Variants in FAT4 observed in about 807,000 individuals in gnomAD.
FAT4 encodes protocadherin Fat 4.
FAT4 carries 84 observed loss-of-function variants against 303.9 expected under a neutral mutation model. The ratio of observed to expected loss-of-function variants is 0.28; its 90% CI spans 0.23 to 0.33. The LOEUF is 0.33. FAT4 is among the 10% of genes least tolerant of loss of function. FAT4 has a pLI of 1.00. For missense variants in FAT4, 6,005 were observed against 6,146.8 expected (o/e 0.98, Z 0.77); for synonymous variants, 2,307 against 2,298.8 (o/e 1.00, Z -0.10).
rs1727353339 is a variant in FAT4, at chr4:125,484,855, A to G, written c.12823-2490A>G. 2.0e-5 allele frequency among the ~76,000 whole-genome samples: 3 copies of G among 151,628 alleles called. No homozygotes were observed. In the South Asian group the frequency reaches 6.3e-4, roughly 32 times the overall value. ...GGCTGCATTGAAGATTTTTGGGGGG[A>G]TGGGGGACAGCCTGGGCAACAGGGT... On this transcript the variant is annotated intron_variant, in intron 16 of 17. Coordinates refer to ENST00000394329, the MANE Select transcript of FAT4 (RefSeq NM_001291303.3).
intron 2 of FAT4, among the ~76,000 whole-genome samples, chr4:125,381,030 A>G (rs551128493): frequency 2.6e-5 from 4 of 152,304 alleles, no homozygotes; most frequent in African/African-American, 9.6e-5. Context: ...TCCAATTTCA[A>G]TAAAACTAAC....
rs757530579 is a variant in FAT4 at position 125,415,640 on chromosome 4, A to C, written c.6677A>C (p.His2226Pro). The change falls in exon 6 of 18, where the codon CAT (histidine) becomes CCT (proline). Residue 2226 changes from histidine (H) to proline (P), a missense_variant. By Grantham distance (77) the His-to-Pro change is moderately conservative. Transcript: ENST00000394329. Reference sequence around the variant, plus strand: ...GATAGAGAAAAGACCCCTACCTACCATTTAACTGTTCAGGCAACAGATCGA... The same window carrying C: ...GATAGAGAAAAGACCCCTACCTACCCTTTAACTGTTCAGGCAACAGATCGA... ...PLDREKTPTY[H>P]LTVQATDRGS... 1 of 1,614,010 alleles carries C rather than the reference A, an allele frequency of 6.2e-7. No individual in the cohort carries two copies. The highest frequency in any genetic ancestry group is 1.1e-5 in the South Asian group (1 of 91,076).
At position 125,468,663 on chromosome 4, in the gene FAT4, C is replaced by T; in HGVS notation, c.12057C>T (p.Asn4019=). ...CCTTATTGCTTTACAACTATGACAACCAGACAGGCGACCGGGCTGAGTTTT... is the reference window on the plus strand; with the variant it reads ...CCTTATTGCTTTACAACTATGACAATCAGACAGGCGACCGGGCTGAGTTTT... ...SHALLLYNYD[N]QTGDRAEFLA... Residue 4019 remains asparagine (N), a synonymous_variant, in exon 12 of 18, where the codon AAC becomes AAT. Coordinates refer to ENST00000394329, the MANE Select transcript of FAT4 (RefSeq NM_001291303.3). 1 of 1,614,066 alleles carries T rather than the reference C, an allele frequency of 6.2e-7. No individual in the cohort carries two copies. Among genetic ancestry groups the T allele is most frequent in the Non-Finnish European group, 8.5e-7 (1 of 1,180,010 alleles).
chr4:125,391,268 C>T (rs1414286841), intron 2 of FAT4, among the ~76,000 whole-genome samples: 1 of 152,050 alleles, frequency 6.6e-6, no homozygotes, highest in Non-Finnish European at 1.5e-5. Flanking sequence ...GGATCCAACC[C>T]AAATGCCCAT....
intron 7 of FAT4, among the ~76,000 whole-genome samples, chr4:125,419,287 A>T (rs1023349765): frequency 6.6e-6 from 1 of 152,142 alleles, no homozygotes; most frequent in Non-Finnish European, 1.5e-5. Flanking sequence ...CCTTAAATGA[A>T]TTGCTTCATA....
intron 12 of FAT4, among the ~76,000 whole-genome samples, chr4:125,471,723 G>A (rs1269840461): frequency 6.6e-6 from 1 of 151,516 alleles, no homozygotes; most frequent in African/African-American, 2.4e-5. Flanking sequence ...CTGTCTTAAA[G>A]TATTTTTGCA....
At chr4:125,376,560 G>A (rs1202700418) in intron 2 of FAT4, among the ~76,000 whole-genome samples, 1 of 152,118 alleles carries the variant, frequency 6.6e-6, no homozygotes, top group Admixed American at 6.5e-5. Context: ...TAACAAACCT[G>A]CACGTTGTGC....
chr4:125,479,668 G>C, intron 14 of FAT4, 73 bp from the exon 15 acceptor site: 4 of 1,368,036 alleles, frequency 2.9e-6, no homozygotes, highest in Non-Finnish European at 3.9e-6. Context: ...GCTAATAAAA[G>C]TGTATATTGA....
chr4:125,477,035 A>T, intron 13 of FAT4, 120 bp from the exon 14 acceptor site: 1 of 714,766 alleles, frequency 1.4e-6, no homozygotes, highest in Non-Finnish European at 2.0e-6. Flanking sequence ...TTTCCATTGA[A>T]ATTTATCACA....
intron 16 of FAT4, among the ~76,000 whole-genome samples, chr4:125,485,943 TA>T (rs1216541691): frequency 6.6e-6 from 1 of 152,186 alleles, no homozygotes; most frequent in Non-Finnish European, 1.5e-5. Context: ...CATGATGTTT[TA>T]AAAGTGAAGA....
chr4:125,396,549 C>A (rs1734178453), intron 2 of FAT4, among the ~76,000 whole-genome samples: 1 of 152,058 alleles, frequency 6.6e-6, no homozygotes, highest in Admixed American at 6.6e-5. Context: ...TACATGCACA[C>A]ATTTACACAC....
At chr4:125,373,593 A>C (rs1301764211) in intron 2 of FAT4, among the ~76,000 whole-genome samples, 1 of 152,202 alleles carries the variant, frequency 6.6e-6, no homozygotes, top group Non-Finnish European at 1.5e-5. Context: ...AGTAATGCTA[A>C]TACTAATATC....
intron 2 of FAT4, among the ~76,000 whole-genome samples, chr4:125,377,139 C>A (rs1490091068): frequency 6.6e-6 from 1 of 152,002 alleles, no homozygotes; most frequent in Non-Finnish European, 1.5e-5. Flanking sequence ...ATGTCATAGA[C>A]CTTTTTTCAA....
rs528928313 is a variant in FAT4 at position 125,451,296 on chromosome 4, G to A, written c.10286G>A (p.Ser3429Asn). The change falls in exon 10 of 18, where the codon AGT becomes AAT. Residue 3429 changes from serine (S) to asparagine (N), a missense_variant. Ser to Asn is a conservative substitution (Grantham distance 46). Transcript: ENST00000394329. The stretch of plus-strand genomic sequence containing the variant: ...ATAGGAACTCATGTGACCTTTGTCA[G>A]TGCCTTTGACTCAGACTCCATCCCC... The part of the protein sequence containing the change: ...VPIGTHVTFV[S>N]AFDSDSIPSW... 3 of 1,614,124 alleles carry A rather than the reference G, an allele frequency of 1.9e-6. No individual in the cohort carries two copies. The African/African-American group carries it at 4.0e-5, about 22-fold the overall frequency.
intron 2 of FAT4, among the ~76,000 whole-genome samples, chr4:125,395,490 A>G (rs988654917): frequency 6.6e-5 from 10 of 152,076 alleles, no homozygotes; most frequent in Middle Eastern, 3.4e-3. Context: ...TTGTATTTTC[A>G]GTAGTGATGG....
Position 125,490,831 on chromosome 4 carries a change from G to A in FAT4, c.14015G>A (p.Ser4672Asn), listed in dbSNP as rs772782057. ...ARQSPMPLGA[S>N]SLTYQPSYGQ... is the part of the protein sequence containing the mutation. The stretch of plus-strand genomic sequence containing the variant: ...CAATCCCCCATGCCCTTAGGAGCAA[G>A]CAGTTTGACTTACCAGCCTTCATAT... Residue 4672 changes from serine (S) to asparagine (N), a missense_variant, in exon 18 of 18, where the codon AGC becomes AAC. By Grantham distance (46) the Ser-to-Asn change is conservative (BLOSUM62 1). Coordinates refer to ENST00000394329, the MANE Select transcript of FAT4 (RefSeq NM_001291303.3). 1.2e-6 allele frequency: 2 copies of A among 1,614,140 alleles called. No homozygotes were observed. Among genetic ancestry groups the A allele is most frequent in the Non-Finnish European group, 1.7e-6 (2 of 1,180,034 alleles).
chr4:125,449,569 G>A lies in FAT4; in HGVS notation c.8559G>A (p.Gly2853=). 1 of 1,613,618 alleles carries A rather than the reference G, an allele frequency of 6.2e-7. No individual in the cohort carries two copies. The highest frequency in any genetic ancestry group is 8.5e-7 in the Non-Finnish European group (1 of 1,179,686). Reference sequence around the variant, plus strand: ...TTCGAGTTTCCGCACATGATTCTGGGTGGACTGTAAGTACAGATGTCACAA... The same window carrying A: ...TTCGAGTTTCCGCACATGATTCTGGATGGACTGTAAGTACAGATGTCACAA... The part of the protein sequence containing the change: ...YRIRVSAHDS[G]WTVSTDVTIF... The change falls in exon 10 of 18, where the codon GGG becomes GGA. Residue 2853 remains glycine (G), a synonymous_variant. Transcript: ENST00000394329.
chr4:125,347,099 G>A (rs772062189), intron 2 of FAT4, among the ~76,000 whole-genome samples: 3 of 151,770 alleles, frequency 2.0e-5, no homozygotes, highest in South Asian at 2.1e-4. Flanking sequence ...CAGCCTGAGC[G>A]GTAGGCTCAG....
intron 7 of FAT4, 102 bp downstream of exon 7, chr4:125,416,724 T>G (rs1735089822): frequency 1.7e-6 from 2 of 1,164,426 alleles, no homozygotes; most frequent in Admixed American, 4.3e-5. Context: ...GGTGGATGGA[T>G]TACTTGAGGT....
Sources: allele counts gnomAD v4.1 joint callset (sites outside exome capture counted in the v4.1 genomes callset), GRCh38; gene constraint gnomAD v4.1.1; transcripts MANE v1.5; gene names NCBI Gene and HGNC (gene_info 2026-07-23, HGNC 2026-07-21).